The following ACVR1B variants were observed in gnomAD, a reference collection of about 807,000 sequenced individuals.
ACVR1B encodes activin A receptor type 1B.
A neutral mutation model predicts 55.6 loss-of-function variants in ACVR1B; 15 were observed. That is an observed-to-expected ratio of 0.27 (90% CI 0.18 to 0.42). The LOEUF is 0.42. Among genes scored for constraint, ACVR1B ranks in the 10% least tolerant of loss-of-function variants. The pLI, the probability that ACVR1B is intolerant of heterozygous loss-of-function variation, is 1.00. For synonymous variants in ACVR1B, 247 were observed against 254.6 expected, an observed-to-expected ratio of 0.97 and a Z score of 0.28; for missense variants, 359 against 670.1, an observed-to-expected ratio of 0.54 and a Z score of 5.13.
intron 1 of ACVR1B, among the ~76,000 whole-genome samples, chr12:51,970,257 T>C (rs1056250519): frequency 6.6e-6 from 1 of 152,174 alleles, no homozygotes; most frequent in East Asian, 1.9e-4. Context: ...CGTGGTAGAA[T>C]GCTGTGTGGT....
At chr12:51,970,992 C>G (rs1414625266) in intron 1 of ACVR1B, among the ~76,000 whole-genome samples, 1 of 152,148 alleles carries the variant, frequency 6.6e-6, no homozygotes, top group Admixed American at 6.5e-5. Context: ...GGGGCGCCAT[C>G]ATGCTGCACA....
At chr12:51,964,987 T>C (rs1255828508) in intron 1 of ACVR1B, among the ~76,000 whole-genome samples, 1 of 151,928 alleles carries the variant, frequency 6.6e-6, no homozygotes, top group African/African-American at 2.4e-5. Context: ...TTTTCATTTC[T>C]GGAAAAAAAC....
chr12:51,963,841 A>G (rs1180094014), intron 1 of ACVR1B, among the ~76,000 whole-genome samples: 7 of 152,206 alleles, frequency 4.6e-5, no homozygotes, highest in Non-Finnish European at 2.9e-5. Flanking sequence ...GTAATTCTAG[A>G]TTTAACTTAT....
At position 51,975,442 on chromosome 12, in the gene ACVR1B, T is replaced by C. The variant is rs2120600975; in HGVS notation, c.269T>C (p.Leu90Pro). The change falls in exon 2 of 9, where the codon CTG becomes CCG. Residue 90 changes from leucine to proline, a missense_variant. Transcript: ENST00000257963. ...KPFYCLSSED[L>P]RNTHCCYTDY... Reference sequence around the variant, plus strand: ...TTCTACTGCCTGAGCTCGGAGGACCTGCGCAACACCCACTGCTGCTACACT... The same window carrying C: ...TTCTACTGCCTGAGCTCGGAGGACCCGCGCAACACCCACTGCTGCTACACT... 1 of 1,614,238 alleles carries C rather than the reference T, an allele frequency of 6.2e-7. No individual in the cohort carries two copies. Among genetic ancestry groups the C allele is most frequent in the Non-Finnish European group, 8.5e-7 (1 of 1,180,046 alleles).
At chr12:51,957,566 C>T (rs138934033) in intron 1 of ACVR1B, among the ~76,000 whole-genome samples, 18 of 152,080 alleles carry the variant, frequency 1.2e-4, no homozygotes, top group East Asian at 1.9e-4. Context: ...CCACCATACC[C>T]GGCTAATGTT....
intron 1 of ACVR1B, among the ~76,000 whole-genome samples, chr12:51,969,902 A>C (rs1037177668): frequency 6.6e-6 from 1 of 152,126 alleles, no homozygotes; most frequent in African/African-American, 2.4e-5. Context: ...TCTCTAAGAA[A>C]ATTTTTTAAA....
At chr12:51,990,791 T>A (rs1159632147) in intron 7 of ACVR1B, among the ~76,000 whole-genome samples, 1 of 152,218 alleles carries the variant, frequency 6.6e-6, no homozygotes, top group Non-Finnish European at 1.5e-5. Flanking sequence ...CACTCTGTTT[T>A]TTCGGAGAAT....
chr12:51,968,259 C>T lies in ACVR1B; in HGVS notation c.92-7006C>T, dbSNP rs989712193. Among the ~76,000 whole-genome samples, 9 of 152,170 alleles carry T rather than the reference C, an allele frequency of 5.9e-5. 1 individual carries two copies. Among genetic ancestry groups the T allele is most frequent in the Non-Finnish European group, 1.0e-4 (7 of 68,024 alleles). On this transcript the variant is annotated intron_variant, in intron 1 of 8. Coordinates refer to ENST00000257963, the MANE Select transcript of ACVR1B (RefSeq NM_004302.5). The stretch of plus-strand genomic sequence containing the variant: ...AAAAAAAAAGAATTATTTCTTCACT[C>T]GTATTGAGAAGCGTGCTATGGAAAC...
At position 51,965,221 on chromosome 12, in the gene ACVR1B, T is replaced by C. The variant is rs938746333; in HGVS notation, c.92-10044T>C. 4.6e-5 allele frequency among the ~76,000 whole-genome samples: 7 copies of C among 152,320 alleles called. No individual in the cohort carries two copies. The South Asian group carries it at 1.0e-3, about 23-fold the overall frequency. On this transcript the variant is annotated intron_variant, in intron 1 of 8. Transcript: ENST00000257963. The stretch of plus-strand genomic sequence containing the variant: ...CATCAAACATGTAGTAGTAATTATC[T>C]CTGGGGCAGGAATTAGAGGGGCTCT...
chr12:51,965,021 G>A (rs1481757601), intron 1 of ACVR1B, among the ~76,000 whole-genome samples: 2 of 151,968 alleles, frequency 1.3e-5, no homozygotes, highest in African/African-American at 4.8e-5. Context: ...CTGAGATTCT[G>A]ATAGGGATTG....
At chr12:51,968,304 C>T (rs1275955699) in intron 1 of ACVR1B, among the ~76,000 whole-genome samples, 1 of 152,148 alleles carries the variant, frequency 6.6e-6, no homozygotes, top group Non-Finnish European at 1.5e-5. Context: ...CAAATTATTT[C>T]GAAGTGAACA....
At chr12:51,982,450 A>G (rs1941997340) in intron 4 of ACVR1B, among the ~76,000 whole-genome samples, 1 of 152,164 alleles carries the variant, frequency 6.6e-6, no homozygotes, top group Non-Finnish European at 1.5e-5. Flanking sequence ...CATCACACAT[A>G]AGAGCAAGAC....
At chr12:51,987,176 C>A in intron 7 of ACVR1B, 1 of 702,214 alleles carries the variant, frequency 1.4e-6, no homozygotes, top group Non-Finnish European at 2.6e-6. Flanking sequence ...ATTCTGAAGG[C>A]TCGTTTGGCT....
chr12:51,983,926 CT>C (rs1942029438), intron 4 of ACVR1B, 72 bp from the exon 5 acceptor site: 1 of 1,525,034 alleles, frequency 6.6e-7, no homozygotes, highest in Non-Finnish European at 9.0e-7. Context: ...GTTGTATACA[CT>C]CATCCTTACC....
intron 7 of ACVR1B, chr12:51,987,516 G>A (rs1293585247): frequency 4.8e-6 from 1 of 208,974 alleles, no homozygotes; most frequent in Non-Finnish European, 9.7e-6. Flanking sequence ...TGTCAACTTA[G>A]TATATCAGTA....
intron 3 of ACVR1B, 81 bp from the exon 4 acceptor site, chr12:51,980,888 T>G (rs1241152510): frequency 1.6e-5 from 19 of 1,200,938 alleles, no homozygotes; most frequent in Admixed American, 4.7e-5. Flanking sequence ...TAAGGGTGTT[T>G]CCGTTGTGCC....
At chr12:51,993,743 G>A (rs1942239611) in intron 8 of ACVR1B, among the ~76,000 whole-genome samples, 1 of 119,252 alleles carries the variant, frequency 8.4e-6, no homozygotes, top group African/African-American at 3.2e-5. Context: ...CTCCAGCCTG[G>A]GTGACAGAGT....
chr12:51,977,622 T>TTG (rs1242125311), intron 3 of ACVR1B, among the ~76,000 whole-genome samples: 1 of 148,448 alleles, frequency 6.7e-6, no homozygotes, highest in African/African-American at 2.5e-5. Flanking sequence ...TTTTTTTTTT[T>TTG]TTTTTTGTTT....
At chr12:51,974,434 T>C (rs1318222334) in intron 1 of ACVR1B, among the ~76,000 whole-genome samples, 1 of 152,002 alleles carries the variant, frequency 6.6e-6, no homozygotes, top group East Asian at 1.9e-4. Flanking sequence ...GGGACACACT[T>C]ATGTATGATA....
Sources: gnomAD v4.1 joint callset for allele counts (sites outside exome capture counted in the v4.1 genomes callset) on GRCh38, gnomAD v4.1.1 for gene constraint, MANE v1.5 for transcripts, NCBI Gene and HGNC (gene_info 2026-07-23, HGNC 2026-07-21) for gene names.